Variants in NCKAP1 observed in about 807,000 individuals in gnomAD.
NCKAP1 encodes NCK associated protein 1, also known as nck-associated protein 1.
A neutral mutation model predicts 151.2 loss-of-function variants in NCKAP1; 21 were observed. That is an observed-to-expected ratio of 0.14 (90% confidence interval 0.10 to 0.20). The LOEUF (loss-of-function observed/expected upper bound fraction) is 0.20, where lower values mean the gene tolerates loss of function less well. Among genes scored for constraint, NCKAP1 ranks in the 10% least tolerant of loss-of-function variants. The pLI, the probability that NCKAP1 is intolerant of heterozygous loss-of-function variation, is 1.00. For missense variants in NCKAP1, 933 were observed against 1,352.1 expected (o/e 0.69, Z 4.86); for synonymous variants, 484 against 451.8 (o/e 1.07, Z -0.90).
At chr2:182,928,075 C>A in intron 29 of NCKAP1, 42 bp downstream of exon 29, 1 of 1,405,396 alleles carries the variant, frequency 7.1e-7, no homozygotes, top group Non-Finnish European at 9.8e-7. Context: ...TTTTAGTTTT[C>A]TTTATAAAAT....
At chr2:182,951,478 G>A (rs1443337327) in intron 23 of NCKAP1, among the ~76,000 whole-genome samples, 1 of 151,448 alleles carries the variant, frequency 6.6e-6, no homozygotes, top group East Asian at 2.0e-4. Flanking sequence ...AGACCAGCCT[G>A]GCCAACACGG....
rs1696824231 is a variant in NCKAP1 at position 182,934,164 on chromosome 2, G to T, written c.2859+588C>A. On this transcript the variant is annotated intron_variant, in intron 26 of 30. Transcript: ENST00000361354. Reference sequence around the variant, plus strand: ...ATCTTTCTTTTTTTTTTGAGACGGAGTCTCATTCTGTTGCCCAGGCTAGAG... The same window carrying T: ...ATCTTTCTTTTTTTTTTGAGACGGATTCTCATTCTGTTGCCCAGGCTAGAG... Among the ~76,000 whole-genome samples, 6 of 151,502 alleles carry T rather than the reference G, an allele frequency of 4.0e-5. No homozygotes were observed. The South Asian group carries it at 1.2e-3, about 31-fold the overall frequency.
chr2:182,984,574 CAACTCT>C (rs1392513944), intron 10 of NCKAP1, among the ~76,000 whole-genome samples: 1 of 137,790 alleles, frequency 7.3e-6, no homozygotes, highest in African/African-American at 2.5e-5. Flanking sequence ...CCTTAGGTTC[CAACTCT>C]AAGTTTCAGT....
chr2:182,978,826 C>A lies in NCKAP1; in HGVS notation c.1423+8G>T. ...AGAAAATATGCTTTTATTTAAAAGG[C>A]TTATTACCTTGTTTTACACTTAGGG... On this transcript the variant is annotated splice_region_variant and intron_variant, in intron 14 of 30. Transcript: ENST00000361354. 6.6e-7 allele frequency: 1 copy of A among 1,513,494 alleles called. No individual in the cohort carries two copies. The highest frequency in any genetic ancestry group is 9.1e-7 in the Non-Finnish European group (1 of 1,101,852). The allele number at this position is 1,513,494 out of a possible 1,614,324, so 93.8% of individuals were successfully genotyped here. A position where few individuals can be genotyped will look rare whatever the true frequency, so the allele number is the denominator to read the frequency against.
At chr2:182,930,227 C>T (rs894802443) in intron 27 of NCKAP1, among the ~76,000 whole-genome samples, 2 of 152,090 alleles carry the variant, frequency 1.3e-5, no homozygotes, top group South Asian at 2.1e-4. Flanking sequence ...CACTACTCAG[C>T]CTTTTGCCCA....
At chr2:182,970,033 A>G (rs1045123987) in intron 15 of NCKAP1, among the ~76,000 whole-genome samples, 3 of 152,194 alleles carry the variant, frequency 2.0e-5, no homozygotes, top group Admixed American at 1.3e-4. Context: ...TGAAATGGAT[A>G]CATTCCTAGA....
At chr2:182,961,949 T>C (rs181384590) in intron 18 of NCKAP1, among the ~76,000 whole-genome samples, 5 of 152,348 alleles carry the variant, frequency 3.3e-5, no homozygotes. Flanking sequence ...ACGTGACTCC[T>C]GATTAAAGAA....
intron 2 of NCKAP1, among the ~76,000 whole-genome samples, chr2:183,011,687 C>A (rs994479819): frequency 2.0e-5 from 3 of 152,006 alleles, no homozygotes; most frequent in Admixed American, 2.0e-4. Flanking sequence ...GAATTGTTTC[C>A]AATTCGGGGC....
chr2:183,017,348 G>A (rs1374412011), intron 2 of NCKAP1, among the ~76,000 whole-genome samples: 1 of 152,160 alleles, frequency 6.6e-6, no homozygotes, highest in East Asian at 1.9e-4. Flanking sequence ...TGGAAGCCCT[G>A]AGCTTGCTTT....
chr2:182,928,116 C>T lies in NCKAP1; in HGVS notation c.3180+1G>A. The T allele has an allele frequency of 1.3e-6, 2 of 1,583,510 alleles. No individual in the cohort carries two copies. The highest frequency in any genetic ancestry group is 1.7e-6 in the Non-Finnish European group (2 of 1,155,920). On this transcript the variant is annotated splice_donor_variant, in intron 29 of 30. Transcript: ENST00000361354. LOFTEE classifies it high-confidence loss of function. ...GAGTTTTGTTATTTGATTATACATACCGCCAGAAATTCTTTAAGACGGTCT... is the reference window on the plus strand; with the variant it reads ...GAGTTTTGTTATTTGATTATACATATCGCCAGAAATTCTTTAAGACGGTCT...
At chr2:183,031,119 C>T (rs1698996417) in intron 1 of NCKAP1, among the ~76,000 whole-genome samples, 1 of 152,030 alleles carries the variant, frequency 6.6e-6, no homozygotes, top group East Asian at 1.9e-4. Context: ...TAATTGAGAT[C>T]TAAAAATATA....
intron 27 of NCKAP1, among the ~76,000 whole-genome samples, chr2:182,930,037 C>G (rs183289964): frequency 1.3e-5 from 2 of 151,978 alleles, no homozygotes; most frequent in African/African-American, 4.8e-5. Flanking sequence ...TGGACCATCT[C>G]CCATTAGCAT....
rs762660387 is a variant in NCKAP1, at chr2:183,002,111, T to C, written c.512+16A>G. 1 of 1,612,580 alleles carries C rather than the reference T, an allele frequency of 6.2e-7. No individual in the cohort carries two copies. The highest frequency in any genetic ancestry group is 1.1e-5 in the South Asian group (1 of 90,836). The stretch of plus-strand genomic sequence containing the variant: ...AAACTGAGCATTTTAGAAAGACTTT[T>C]ATAATGCAAATCTACCTTGCTCCAT... On this transcript the variant is annotated intron_variant, in intron 5 of 30. Coordinates refer to ENST00000361354, the MANE Select transcript of NCKAP1 (RefSeq NM_013436.5).
rs958084002 is a variant in NCKAP1, at chr2:182,915,310, T to C, written c.*10392A>G. 4 of 152,198 alleles carry C rather than the reference T, an allele frequency of 2.6e-5. No homozygotes were observed. Among genetic ancestry groups the C allele is most frequent in the Non-Finnish European group, 5.9e-5 (4 of 68,036 alleles). The allele number at this position is 152,198 out of a possible 1,614,324, so 9.4% of individuals were successfully genotyped here. A position where few individuals can be genotyped will look rare whatever the true frequency, so the allele number is the denominator to read the frequency against. On this transcript the variant is annotated 3_prime_UTR_variant, in exon 31 of 31. Coordinates refer to ENST00000361354, the MANE Select transcript of NCKAP1 (RefSeq NM_013436.5). ...GACTTTGCTTTTCAAAAACGTTGTA[T>C]GGTTCACAGCTGAAGAGAGAATAGT...
intron 1 of NCKAP1, among the ~76,000 whole-genome samples, chr2:183,029,581 G>A (rs1356657110): frequency 3.3e-5 from 5 of 151,796 alleles, no homozygotes; most frequent in Non-Finnish European, 1.5e-5. Flanking sequence ...CAGCACTTGC[G>A]GAGGCCAAGG....
At chr2:182,971,123 G>A (rs1229203516) in intron 15 of NCKAP1, among the ~76,000 whole-genome samples, 1 of 152,018 alleles carries the variant, frequency 6.6e-6, no homozygotes, top group Non-Finnish European at 1.5e-5. Context: ...GGCCGGGCGC[G>A]GTGGCTCACG....
At chr2:182,955,506 T>C (rs1697306028) in intron 20 of NCKAP1, among the ~76,000 whole-genome samples, 1 of 152,162 alleles carries the variant, frequency 6.6e-6, no homozygotes, top group South Asian at 2.1e-4. Flanking sequence ...TATACATACA[T>C]AAAATATATA....
intron 2 of NCKAP1, among the ~76,000 whole-genome samples, chr2:183,022,224 C>G (rs1698809967): frequency 6.6e-6 from 1 of 152,038 alleles, no homozygotes; most frequent in East Asian, 1.9e-4. Context: ...GTAAACTAAG[C>G]TTCAAAGATT....
At chr2:183,027,485 A>G (rs1326550418) in intron 1 of NCKAP1, among the ~76,000 whole-genome samples, 1 of 152,226 alleles carries the variant, frequency 6.6e-6, no homozygotes, top group African/African-American at 2.4e-5. Flanking sequence ...AGTCTATGAA[A>G]AAAATAAACT....
Sources: gnomAD v4.1 joint callset for allele counts (sites outside exome capture counted in the v4.1 genomes callset) on GRCh38, gnomAD v4.1.1 for gene constraint, MANE v1.5 for transcripts, NCBI Gene and HGNC (gene_info 2026-07-23, HGNC 2026-07-21) for gene names.